Variants in SPOCK1 observed in about 807,000 individuals in gnomAD.
The protein encoded by SPOCK1 is SPARC (osteonectin), cwcv and kazal like domains proteoglycan 1, also known as testican-1.
SPOCK1 carries 23 observed loss-of-function variants against 55.3 expected under a neutral mutation model. The ratio of observed to expected loss-of-function variants is 0.42; its 90% CI spans 0.30 to 0.59. SPOCK1 has a LOEUF of 0.59. SPOCK1 is among the 20% of genes least tolerant of loss of function. SPOCK1 has a pLI of 0.22. For synonymous variants in SPOCK1, 226 were observed against 221.0 expected (o/e 1.02, Z -0.20); for missense variants, 499 against 552.5 (o/e 0.90, Z 0.97).
intron 6 of SPOCK1, among the ~76,000 whole-genome samples, chr5:136,993,990 G>T (rs1199439405): frequency 1.3e-5 from 2 of 152,152 alleles, no homozygotes; most frequent in Non-Finnish European, 2.9e-5. Flanking sequence ...TATCAGGCAA[G>T]CCCATTTCTC....
chr5:137,462,075 C>T (rs1222275793), intron 2 of SPOCK1, among the ~76,000 whole-genome samples: 1 of 152,184 alleles, frequency 6.6e-6, no homozygotes, highest in Admixed American at 6.5e-5. Flanking sequence ...TGTGCCTGCA[C>T]CTGCTGGCAG....
chr5:137,036,230 A>G (rs1028473305), intron 6 of SPOCK1, among the ~76,000 whole-genome samples: 1 of 152,166 alleles, frequency 6.6e-6, no homozygotes, highest in African/African-American at 2.4e-5. Flanking sequence ...ACCCTTATCC[A>G]TCTAGTAACT....
chr5:137,113,800 C>A (rs1347949122), intron 4 of SPOCK1, among the ~76,000 whole-genome samples: 1 of 152,110 alleles, frequency 6.6e-6, no homozygotes, highest in Non-Finnish European at 1.5e-5. Context: ...CCTCAGTCCC[C>A]AGGCTTGGAA....
At position 136,976,187 on chromosome 5, in the gene SPOCK1, G is replaced by A. The variant is rs1200186239; in HGVS notation, c.*2467C>T. ...TTAAAGATCTTTAAAAAAATCGAAT[G>A]CTGTCATGTCAAAGTGAGGCATGAA... On this transcript the variant is annotated 3_prime_UTR_variant, in exon 11 of 11. Transcript: ENST00000394945. 6.6e-6 allele frequency: 1 copy of A among 152,174 alleles called. No individual in the cohort carries two copies. Among genetic ancestry groups the A allele is most frequent in the East Asian group, 1.9e-4 (1 of 5,192 alleles). 9.4% of individuals were successfully genotyped at this position (152,174 alleles called of 1,614,324 possible). A position where few individuals can be genotyped will look rare whatever the true frequency, so the allele number is the denominator to read the frequency against.
intron 5 of SPOCK1, among the ~76,000 whole-genome samples, chr5:137,075,519 A>G (rs1164783103): frequency 6.6e-6 from 1 of 152,216 alleles, no homozygotes. Flanking sequence ...CTCTTGATTG[A>G]TATCAGCAAT....
intron 6 of SPOCK1, among the ~76,000 whole-genome samples, chr5:137,061,183 C>A (rs1335885039): frequency 3.3e-5 from 5 of 152,206 alleles, no homozygotes; most frequent in African/African-American, 1.2e-4. Context: ...CAAAAATGTT[C>A]TTTCCTGGAT....
At chr5:137,333,829 T>C (rs1007065554) in intron 2 of SPOCK1, among the ~76,000 whole-genome samples, 1 of 152,180 alleles carries the variant, frequency 6.6e-6, no homozygotes, top group Non-Finnish European at 1.5e-5. Flanking sequence ...TAAATAGAAG[T>C]GTGAGATTTT....
At chr5:137,372,727 T>C (rs891974839) in intron 2 of SPOCK1, among the ~76,000 whole-genome samples, 3 of 152,082 alleles carry the variant, frequency 2.0e-5, no homozygotes, top group African/African-American at 7.2e-5. Flanking sequence ...AAATATGGAA[T>C]AGAAGAGGAG....
At chr5:137,447,281 A>C (rs926338146) in intron 2 of SPOCK1, among the ~76,000 whole-genome samples, 8 of 152,190 alleles carry the variant, frequency 5.3e-5, no homozygotes, top group Non-Finnish European at 1.0e-4. Context: ...AAAGCCCTTC[A>C]CCAGCAGAGG....
At chr5:137,447,080 T>C (rs1366428248) in intron 2 of SPOCK1, among the ~76,000 whole-genome samples, 1 of 152,248 alleles carries the variant, frequency 6.6e-6, no homozygotes, top group African/African-American at 2.4e-5. Context: ...TTGTTTCCAC[T>C]TCTTGGCTGT....
intron 2 of SPOCK1, among the ~76,000 whole-genome samples, chr5:137,454,668 GATAA>G (rs952266447): frequency 2.6e-5 from 4 of 152,270 alleles, no homozygotes; most frequent in African/African-American, 9.6e-5. Context: ...TCTATGGAAG[GATAA>G]ATAAACATTA....
rs749177001 is a variant in SPOCK1, at chr5:136,978,624, G to C, written c.*30C>G. Reference sequence around the variant, plus strand: ...AATAGGAAGTGACTTGCAATTTTGTGCAAAACTTGTGTCCTCTTTCTTGTG... The same window carrying C: ...AATAGGAAGTGACTTGCAATTTTGTCCAAAACTTGTGTCCTCTTTCTTGTG... On this transcript the variant is annotated 3_prime_UTR_variant, in exon 11 of 11. Transcript: ENST00000394945. 2 of 1,561,504 alleles carry C rather than the reference G, an allele frequency of 1.3e-6. No individual in the cohort carries two copies. Among genetic ancestry groups the C allele is most frequent in the Non-Finnish European group, 1.7e-6 (2 of 1,156,950 alleles).
chr5:137,211,667 G>C (rs1274497060), intron 3 of SPOCK1, among the ~76,000 whole-genome samples: 1 of 152,132 alleles, frequency 6.6e-6, no homozygotes, highest in Non-Finnish European at 1.5e-5. Flanking sequence ...TGAATAGAGG[G>C]TTGGGACTTT....
At chr5:137,363,216 A>G (rs367653628) in intron 2 of SPOCK1, among the ~76,000 whole-genome samples, 7 of 152,310 alleles carry the variant, frequency 4.6e-5, no homozygotes, top group East Asian at 1.9e-4. Flanking sequence ...TCCCTCCCCA[A>G]TACAAGTATG....
At chr5:137,160,622 T>TATATAATATA (rs1561631833) in intron 3 of SPOCK1, among the ~76,000 whole-genome samples, 2 of 76,898 alleles carry the variant, frequency 2.6e-5, no homozygotes, top group African/African-American at 1.2e-4. Context: ...ATAATATATA[T>TATATAATATA]TTTATATAAT....
intron 2 of SPOCK1, among the ~76,000 whole-genome samples, chr5:137,383,732 G>A (rs1751530508): frequency 6.6e-6 from 1 of 152,216 alleles, no homozygotes; most frequent in Non-Finnish European, 1.5e-5. Flanking sequence ...GTCCCTGTAG[G>A]CCCAGACCAT....
At chr5:137,415,301 G>A (rs951588592) in intron 2 of SPOCK1, among the ~76,000 whole-genome samples, 37 of 152,166 alleles carry the variant, frequency 2.4e-4, no homozygotes, top group Admixed American at 8.5e-4. Flanking sequence ...CTAAATCAGT[G>A]CTACTGGTAA....
Position 136,975,335 on chromosome 5 carries a change from T to G in SPOCK1, c.*3319A>C, listed in dbSNP as rs1424963513. The G allele has an allele frequency of 6.6e-6, 1 of 152,584 alleles. No homozygotes were observed. The highest frequency in any genetic ancestry group is 1.5e-5 in the Non-Finnish European group (1 of 68,040). 9.5% of individuals were successfully genotyped at this position (152,584 alleles called of 1,614,324 possible). Reference sequence around the variant, plus strand: ...TAAAATTTATTGAGACAGACAGAAATGCACCTACTCAGGACTACAGTTAAG... The same window carrying G: ...TAAAATTTATTGAGACAGACAGAAAGGCACCTACTCAGGACTACAGTTAAG... On this transcript the variant is annotated 3_prime_UTR_variant, in exon 11 of 11. Coordinates refer to ENST00000394945, the MANE Select transcript of SPOCK1 (RefSeq NM_004598.4).
At chr5:137,098,147 C>T (rs1304758875) in intron 5 of SPOCK1, among the ~76,000 whole-genome samples, 2 of 152,160 alleles carry the variant, frequency 1.3e-5, no homozygotes, top group African/African-American at 4.8e-5. Context: ...TCAATTCTCA[C>T]AAAAACTCTT....
Sources: allele counts gnomAD v4.1 joint callset (sites outside exome capture counted in the v4.1 genomes callset), GRCh38; gene constraint gnomAD v4.1.1; transcripts MANE v1.5; gene names NCBI Gene and HGNC (gene_info 2026-07-23, HGNC 2026-07-21).